The following SLC5A4 variants were observed in gnomAD, a reference collection of about 807,000 sequenced individuals.
The protein encoded by SLC5A4 is probable glucose sensor protein SLC5A4.
Under a neutral mutation model 70.3 loss-of-function variants are expected in SLC5A4, and 55 were observed. The observed-to-expected ratio is 0.78, with a 90% confidence interval of 0.63 to 0.98. The LOEUF (loss-of-function observed/expected upper bound fraction) is 0.98, where lower values mean the gene tolerates loss of function less well. Ranked by LOEUF, SLC5A4 falls within the 50% of genes least tolerant of loss-of-function variation. The probability of loss-of-function intolerance (pLI) is 0.00; values close to 1 mark genes in which losing one functional copy is unlikely to be tolerated. For synonymous variants in SLC5A4, 268 were observed against 305.7 expected, an observed-to-expected ratio of 0.88 and a Z score of 1.29; for missense variants, 735 against 839.2, an observed-to-expected ratio of 0.88 and a Z score of 1.53.
At chr22:32,252,705 A>T (rs1927243043) in intron 2 of SLC5A4, among the ~76,000 whole-genome samples, 1 of 152,080 alleles carries the variant, frequency 6.6e-6, no homozygotes, top group Non-Finnish European at 1.5e-5. Flanking sequence ...GCACTGCCAG[A>T]TCTCCCATCA....
the SLC5A4 span, among the ~76,000 whole-genome samples, chr22:32,278,077 A>G: frequency 6.6e-6 from 1 of 152,200 alleles, no homozygotes; most frequent in African/African-American, 2.4e-5. Flanking sequence ...TGGGACTACA[A>G]GAACTCCCTG....
At chr22:32,292,972 TTAAGA>T in the SLC5A4 span, among the ~76,000 whole-genome samples, 1 of 152,212 alleles carries the variant, frequency 6.6e-6, no homozygotes, top group Non-Finnish European at 1.5e-5. Context: ...GCCTACCAAT[TTAAGA>T]TAGTGACATT....
chr22:32,309,699 G>A, the SLC5A4 span, among the ~76,000 whole-genome samples: 1 of 152,056 alleles, frequency 6.6e-6, no homozygotes, highest in Non-Finnish European at 1.5e-5. Context: ...ACACCCAAGT[G>A]CACACTTCTC....
At chr22:32,329,620 T>TGTGTGTGTTGGCTCTGGG in the SLC5A4 span, among the ~76,000 whole-genome samples, 69 of 88,152 alleles carry the variant, frequency 7.8e-4, 8 homozygotes, top group African/African-American at 2.9e-3. Context: ...TTGGCTCTGG[T>TGTGTGTGTTGGCTCTGGG]GTGTGTGTTG....
At position 32,225,745 on chromosome 22, in the gene SLC5A4, G is replaced by A. The variant is rs1403181835; in HGVS notation, c.1359C>T (p.Ile453=). The A allele has an allele frequency of 3.1e-6, 5 of 1,611,598 alleles. No homozygotes were observed. The African/African-American group carries it at 6.7e-5, about 22-fold the overall frequency. Residue 453 remains isoleucine, a synonymous_variant, in exon 12 of 15, where the codon ATC becomes ATT. Coordinates refer to ENST00000266086, the MANE Select transcript of SLC5A4 (RefSeq NM_014227.3). ...LVQVSQNGQL[I]HYTESISSYL... ...AGCTAGAAATTGATTCTGTGTAATG[G>A]ATTAGTTGTCCATTTTGAGAAACTT... is the stretch of plus-strand genomic sequence containing the variant.
intron 9 of SLC5A4, 26 bp from the exon 10 acceptor site, chr22:32,231,101 C>A (rs749064608): frequency 1.4e-6 from 2 of 1,417,430 alleles, no homozygotes; most frequent in Admixed American, 3.4e-5. Flanking sequence ...GAAGTGAGTC[C>A]AATGAGGCCC....
the SLC5A4 span, among the ~76,000 whole-genome samples, chr22:32,286,355 G>A: frequency 6.6e-6 from 1 of 152,208 alleles, no homozygotes; most frequent in Non-Finnish European, 1.5e-5. Context: ...GTCATGAGGA[G>A]TGCCTCCTTT....
the SLC5A4 span, among the ~76,000 whole-genome samples, chr22:32,342,259 A>C: frequency 6.6e-6 from 1 of 152,244 alleles, no homozygotes; most frequent in Non-Finnish European, 1.5e-5. Context: ...AACACAAAAA[A>C]ATTTGACCCA....
chr22:32,322,509 C>T, the SLC5A4 span, among the ~76,000 whole-genome samples: 1 of 151,288 alleles, frequency 6.6e-6, no homozygotes, highest in South Asian at 2.1e-4. Context: ...CACTTGAACC[C>T]GGGAGGTGAA....
At chr22:32,310,729 C>G in the SLC5A4 span, among the ~76,000 whole-genome samples, 1 of 152,254 alleles carries the variant, frequency 6.6e-6, no homozygotes, top group East Asian at 1.9e-4. Context: ...GCCACTTGAC[C>G]CGGCTGAGTC....
chr22:32,271,376 G>T, the SLC5A4 span: 1 of 751,702 alleles, frequency 1.3e-6, no homozygotes, highest in East Asian at 2.8e-5. Flanking sequence ...GCAGCCGCCA[G>T]AGCACACCTT....
the SLC5A4 span, among the ~76,000 whole-genome samples, chr22:32,266,010 C>T: frequency 6.6e-6 from 1 of 152,258 alleles, no homozygotes; most frequent in East Asian, 1.9e-4. Flanking sequence ...AAGGATTTGC[C>T]TTGGGGCAAA....
chr22:32,226,590 C>A (rs1925411944), intron 11 of SLC5A4, among the ~76,000 whole-genome samples: 2 of 152,288 alleles, frequency 1.3e-5, no homozygotes, highest in South Asian at 4.1e-4. Context: ...TGCATCCTTG[C>A]AACAACTAAA....
rs1249949620 is a variant in SLC5A4 at position 32,229,253 on chromosome 22, A to C, written c.1221T>G (p.Ile407Met). Residue 407 changes from isoleucine (I) to methionine (M), a missense_variant, in exon 11 of 15, where the codon ATT (isoleucine) becomes ATG (methionine). By Grantham distance (10) the Ile-to-Met change is conservative. Transcript: ENST00000266086. ...GCTTCCGCATCTTGGTGTAGAGGTC[A>C]ATGGTGAAGAGGGTGCTGGCGCTGT... ...IFNSASTLFT[I>M]DLYTKMRKQA... 1 of 1,613,994 alleles carries C rather than the reference A, an allele frequency of 6.2e-7. No homozygotes were observed. The highest frequency in any genetic ancestry group is 8.5e-7 in the Non-Finnish European group (1 of 1,179,980).
At chr22:32,292,934 C>T in the SLC5A4 span, among the ~76,000 whole-genome samples, 72,813 of 151,862 alleles carry the variant, frequency 0.48, 17,606 homozygotes, top group Admixed American at 0.51. Flanking sequence ...TTTTGCTATA[C>T]ATATTTTGAG....
the SLC5A4 span, chr22:32,270,459 G>C: frequency 6.8e-6 from 7 of 1,035,442 alleles, no homozygotes; most frequent in East Asian, 2.4e-5. Context: ...AGAATCCCAA[G>C]GGGGAGGGCA....
At chr22:32,323,906 TA>T in the SLC5A4 span, among the ~76,000 whole-genome samples, 2 of 152,146 alleles carry the variant, frequency 1.3e-5, no homozygotes, top group African/African-American at 2.4e-5. Flanking sequence ...GCTGATATGT[TA>T]AAGAGGTTGT....
chr22:32,230,139 A>G (rs953965862), intron 10 of SLC5A4, among the ~76,000 whole-genome samples: 7 of 152,098 alleles, frequency 4.6e-5, no homozygotes, highest in African/African-American at 1.4e-4. Context: ...GATGGGAAGC[A>G]TGTGGTGTCA....
the SLC5A4 span, among the ~76,000 whole-genome samples, chr22:32,300,569 T>TA: frequency 2.6e-5 from 4 of 150,998 alleles, no homozygotes; most frequent in Non-Finnish European, 5.9e-5. Flanking sequence ...TGGCACTCCC[T>TA]AGTGAGATGA....
Sources: gnomAD v4.1 joint callset for allele counts (sites outside exome capture counted in the v4.1 genomes callset) on GRCh38, gnomAD v4.1.1 for gene constraint, MANE v1.5 for transcripts, NCBI Gene and HGNC (gene_info 2026-07-23, HGNC 2026-07-21) for gene names.